The following LNP1 variants were observed in gnomAD, a reference collection of about 807,000 sequenced individuals.
The protein encoded by LNP1 is leukemia NUP98 fusion partner 1.
LNP1 carries 12 observed loss-of-function variants against 14.5 expected under a neutral mutation model. That is an observed-to-expected ratio of 0.83 (90% CI 0.53 to 1.34). The LOEUF (loss-of-function observed/expected upper bound fraction) is 1.34, where lower values mean the gene tolerates loss of function less well. Ranked by LOEUF, LNP1 falls within the 40% of genes most tolerant of loss-of-function variation. The probability of loss-of-function intolerance (pLI) is 0.00; values close to 1 mark genes in which losing one functional copy is unlikely to be tolerated. For synonymous variants in LNP1, 75 were observed against 71.4 expected, an observed-to-expected ratio of 1.05 and a Z score of -0.26; for missense variants, 198 against 210.9, an observed-to-expected ratio of 0.94 and a Z score of 0.38.
At chr3:100,413,109 AC>A (rs2148899577) in intron 1 of LNP1, among the ~76,000 whole-genome samples, 1 of 152,200 alleles carries the variant, frequency 6.6e-6, no homozygotes, top group East Asian at 1.9e-4. Flanking sequence ...CATCACAACC[AC>A]CTTTATAGCC....
chr3:100,443,991 G>A (rs754346863), intron 2 of LNP1, among the ~76,000 whole-genome samples: 4 of 152,154 alleles, frequency 2.6e-5, no homozygotes, highest in Non-Finnish European at 4.4e-5. Context: ...CAAAGGCTCA[G>A]CAGTGTTTTA....
intron 1 of LNP1, among the ~76,000 whole-genome samples, chr3:100,420,856 A>C (rs1225849192): frequency 6.6e-6 from 1 of 151,958 alleles, no homozygotes; most frequent in Admixed American, 6.6e-5. Flanking sequence ...GTCAAGTCTA[A>C]GAACTCTTGC....
intron 3 of LNP1, among the ~76,000 whole-genome samples, chr3:100,455,460 A>G (rs939839298): frequency 4.6e-5 from 7 of 152,220 alleles, no homozygotes; most frequent in African/African-American, 1.7e-4. Context: ...TCCGTTTCAA[A>G]AAGCACCAGG....
chr3:100,410,396 A>G (rs1463324384), intron 1 of LNP1, among the ~76,000 whole-genome samples: 2 of 152,190 alleles, frequency 1.3e-5, no homozygotes, highest in Non-Finnish European at 2.9e-5. Flanking sequence ...CTGGAAGGTG[A>G]TCTTTATTAT....
chr3:100,447,919 T>C (rs1263785297), intron 2 of LNP1, among the ~76,000 whole-genome samples: 1 of 152,212 alleles, frequency 6.6e-6, no homozygotes, highest in Non-Finnish European at 1.5e-5. Context: ...TTTTTTAAAA[T>C]GACACACCTT....
chr3:100,454,785 ACCAC>A (rs1361400035), intron 3 of LNP1, among the ~76,000 whole-genome samples: 1 of 152,178 alleles, frequency 6.6e-6, no homozygotes, highest in Non-Finnish European at 1.5e-5. Flanking sequence ...AGCGGCTGAC[ACCAC>A]TGTGTTAAAC....
chr3:100,415,472 A>G (rs1707073742), intron 1 of LNP1, among the ~76,000 whole-genome samples: 1 of 152,244 alleles, frequency 6.6e-6, no homozygotes, highest in African/African-American at 2.4e-5. Context: ...AACAGTTTTT[A>G]AATCCAGCAG....
At chr3:100,411,738 T>C (rs1337113079) in intron 1 of LNP1, among the ~76,000 whole-genome samples, 1 of 152,074 alleles carries the variant, frequency 6.6e-6, no homozygotes, top group East Asian at 1.9e-4. Flanking sequence ...CTCTCTGATG[T>C]TTCTTCTTAT....
chr3:100,432,325 A>C (rs1707251013), intron 2 of LNP1, among the ~76,000 whole-genome samples: 1 of 151,926 alleles, frequency 6.6e-6, no homozygotes, highest in African/African-American at 2.4e-5. Context: ...TTTCTAATAC[A>C]TCTTCATCAG....
At chr3:100,436,224 T>A (rs944342343) in intron 2 of LNP1, among the ~76,000 whole-genome samples, 6 of 152,198 alleles carry the variant, frequency 3.9e-5, no homozygotes, top group African/African-American at 1.4e-4. Flanking sequence ...TTAGGTATCT[T>A]ATTGCCACAA....
At chr3:100,411,955 T>C (rs1174939061) in intron 1 of LNP1, among the ~76,000 whole-genome samples, 1 of 152,156 alleles carries the variant, frequency 6.6e-6, no homozygotes, top group Non-Finnish European at 1.5e-5. Context: ...TTTAAGTAAA[T>C]AAATATTCTG....
chr3:100,453,744 T>TAC (rs908134206), intron 3 of LNP1, among the ~76,000 whole-genome samples: 3 of 152,160 alleles, frequency 2.0e-5, no homozygotes, highest in South Asian at 2.1e-4. Context: ...CCTATTTGCC[T>TAC]ACACTATCTC....
At chr3:100,422,222 C>T (rs1449874873) in intron 1 of LNP1, among the ~76,000 whole-genome samples, 2 of 132,022 alleles carry the variant, frequency 1.5e-5, no homozygotes, top group East Asian at 2.2e-4. Flanking sequence ...CTTGCTTAGT[C>T]GCCCAGGCTG....
intron 2 of LNP1, among the ~76,000 whole-genome samples, chr3:100,432,538 C>A (rs992815357): frequency 3.3e-5 from 5 of 152,090 alleles, no homozygotes; most frequent in African/African-American, 1.2e-4. Flanking sequence ...AAAGCTTAGG[C>A]CTTTTTATAG....
rs190480973 is a variant in LNP1, at chr3:100,447,430, C to T, written c.157-4289C>T. ...CACTTGGACACAGTGGGGGGAACAT[C>T]ACATACTGGGGCCTGTTGGAGGGTG... is the stretch of plus-strand genomic sequence containing the variant. On this transcript the variant is annotated intron_variant, in intron 2 of 3. Coordinates refer to ENST00000383693, the MANE Select transcript of LNP1 (RefSeq NM_001085451.2). 6.0e-4 allele frequency among the ~76,000 whole-genome samples: 91 copies of T among 152,048 alleles called. No individual in the cohort carries two copies. In the Middle Eastern group the frequency reaches 0.014, roughly 23 times the overall value.
chr3:100,417,893 A>C (rs751058877), intron 1 of LNP1, among the ~76,000 whole-genome samples: 3 of 151,502 alleles, frequency 2.0e-5, no homozygotes, highest in Non-Finnish European at 4.4e-5. Context: ...ATCTTTTTTT[A>C]TCTTGTATTT....
intron 1 of LNP1, among the ~76,000 whole-genome samples, chr3:100,417,157 G>T (rs1364561597): frequency 6.6e-6 from 1 of 151,682 alleles, no homozygotes; most frequent in Non-Finnish European, 1.5e-5. Flanking sequence ...AACATTGCTG[G>T]CAAAAAGTCT....
intron 1 of LNP1, among the ~76,000 whole-genome samples, chr3:100,417,099 G>A (rs1707091964): frequency 6.6e-6 from 1 of 152,010 alleles, no homozygotes; most frequent in African/African-American, 2.4e-5. Context: ...TACTTCCAAA[G>A]CAATGTTTCC....
chr3:100,418,664 C>G (rs1030282116), intron 1 of LNP1, among the ~76,000 whole-genome samples: 6 of 152,154 alleles, frequency 3.9e-5, no homozygotes, highest in African/African-American at 1.2e-4. Flanking sequence ...CTAAGATGTG[C>G]TGGCTGTGTT....
Sources: allele counts gnomAD v4.1 joint callset (sites outside exome capture counted in the v4.1 genomes callset), GRCh38; gene constraint gnomAD v4.1.1; transcripts MANE v1.5; gene names NCBI Gene and HGNC (gene_info 2026-07-23, HGNC 2026-07-21).